Variants in CENATAC observed in about 807,000 individuals in gnomAD.
CENATAC encodes the protein centrosomal AT-AC splicing factor.
A neutral mutation model predicts 53.7 loss-of-function variants in CENATAC; 53 were observed. The ratio of observed to expected loss-of-function variants is 0.99; its 90% confidence interval spans 0.79 to 1.24. CENATAC has a LOEUF of 1.24. CENATAC is among the 50% of genes most tolerant of loss of function. CENATAC has a pLI of 0.00. For missense variants in CENATAC, 474 were observed against 417.8 expected, an observed-to-expected ratio of 1.13 and a Z score of -1.17; for synonymous variants, 156 against 144.6, an observed-to-expected ratio of 1.08 and a Z score of -0.57.
intron 3 of CENATAC, chr11:119,009,617 G>A (rs1413124983): frequency 1.3e-5 from 2 of 152,156 alleles, no homozygotes; most frequent in African/African-American, 4.8e-5. Flanking sequence ...TTCCACCCTC[G>A]TGTTCCAGGA....
chr11:119,014,210 A>G (rs1943023626), intron 8 of CENATAC: 1 of 152,412 alleles, frequency 6.6e-6, no homozygotes, highest in African/African-American at 2.4e-5. Context: ...ATGTCTATCA[A>G]CAGGCAAATG....
At chr11:119,000,061 G>A (rs1942215725) in intron 3 of CENATAC, among the ~76,000 whole-genome samples, 1 of 152,228 alleles carries the variant, frequency 6.6e-6, no homozygotes, top group African/African-American at 2.4e-5. Context: ...ATAGACGTGA[G>A]CCACCATGCC....
chr11:119,010,314 T>C, intron 3 of CENATAC: 1 of 157,164 alleles, frequency 6.4e-6, no homozygotes, highest in East Asian at 1.9e-4. Flanking sequence ...GGATTGGAGG[T>C]GAGAGTAGAG....
chr11:119,000,241 C>T (rs1254646199), intron 3 of CENATAC, among the ~76,000 whole-genome samples: 4 of 152,156 alleles, frequency 2.6e-5, no homozygotes, highest in East Asian at 1.9e-4. Context: ...CTTCACCTTC[C>T]TTTCGCTTTA....
At chr11:119,005,258 A>C (rs1000559872) in intron 3 of CENATAC, among the ~76,000 whole-genome samples, 4 of 152,076 alleles carry the variant, frequency 2.6e-5, no homozygotes, top group African/African-American at 7.2e-5. Context: ...CGAGGTCAGG[A>C]GATCGAGACC....
Position 119,001,782 on chromosome 11 carries a change from TGTG to T in CENATAC, c.383+2680_383+2682del, listed in dbSNP as rs61172396. 3,871 of 435,528 alleles carry T rather than the reference TGTG, an allele frequency of 8.9e-3. 143 individuals are homozygous for T. The highest frequency in any genetic ancestry group is 0.072 in the African/African-American group (3,549 of 49,414). 27.0% of individuals were successfully genotyped at this position (435,528 alleles called of 1,614,324 possible). A position where few individuals can be genotyped will look rare whatever the true frequency, so the allele number is the denominator to read the frequency against. On this transcript the variant is annotated intron_variant, in intron 3 of 10. Transcript: ENST00000334418. The stretch of plus-strand genomic sequence containing the variant: ...TCAAGAAACTAATGAAACTGCCAGA[TGTG>T]GTGGTGCACACCTGTAGTCCTAGCT...
intron 8 of CENATAC, 59 bp from the exon 9 acceptor site, chr11:119,014,935 T>C: frequency 8.6e-7 from 1 of 1,160,738 alleles, no homozygotes; most frequent in Non-Finnish European, 1.2e-6. Context: ...AGCTAGGACA[T>C]GTTTCACAAT....
rs1309697430 is a variant in CENATAC, at chr11:119,011,231, A to C, written c.461A>C (p.Gln154Pro). Residue 154 changes from glutamine to proline, a missense_variant, in exon 5 of 11, where the codon CAG becomes CCG. Physicochemically the swap from Gln to Pro is moderately conservative, Grantham distance 76. Coordinates refer to ENST00000334418, the MANE Select transcript of CENATAC (RefSeq NM_198489.3). ...EDKVIKEMAA[Q>P]IREVEQSRQE... is the part of the protein sequence containing the mutation. Reference sequence around the variant, plus strand: ...GCCTCTCTCCCACAGATGGCAGCTCAGATCCGTGAGGTGGAGCAGAGCCGA... The same window carrying C: ...GCCTCTCTCCCACAGATGGCAGCTCCGATCCGTGAGGTGGAGCAGAGCCGA... 1.9e-6 allele frequency: 3 copies of C among 1,614,004 alleles called. No homozygotes were observed. Among genetic ancestry groups the C allele is most frequent in the South Asian group, 1.1e-5 (1 of 91,072 alleles).
At chr11:119,014,944 A>C in intron 8 of CENATAC, 50 bp from the exon 9 acceptor site, 1 of 1,280,846 alleles carries the variant, frequency 7.8e-7, no homozygotes, top group Non-Finnish European at 1.1e-6. Context: ...ATGTTTCACA[A>C]TAGCCTGAAG....
At chr11:118,998,681 T>C (rs1041795715) in intron 2 of CENATAC, 88 bp downstream of exon 2, 5 of 1,449,554 alleles carry the variant, frequency 3.4e-6, no homozygotes, top group Non-Finnish European at 4.6e-6. Flanking sequence ...AGGACGCTTT[T>C]GTGATTTGAT....
At chr11:119,011,000 C>G (rs971432680) in intron 4 of CENATAC, among the ~76,000 whole-genome samples, 170 bp downstream of exon 4, 1 of 152,182 alleles carries the variant, frequency 6.6e-6, no homozygotes, top group Non-Finnish European at 1.5e-5. Context: ...AGATACCTTG[C>G]ATGCCCAGTT....
chr11:119,014,726 A>C, intron 8 of CENATAC: 1 of 280,016 alleles, frequency 3.6e-6, no homozygotes, highest in Non-Finnish European at 6.6e-6. Flanking sequence ...TTTGGGGTCT[A>C]GATTGTAATG....
intron 8 of CENATAC, among the ~76,000 whole-genome samples, chr11:119,013,674 G>A (rs1281854481): frequency 1.3e-5 from 2 of 151,832 alleles, no homozygotes; most frequent in African/African-American, 4.8e-5. Context: ...CGTTTTAGCC[G>A]GGATGGTCTC....
At chr11:119,003,134 G>T in intron 3 of CENATAC, 1 of 355,478 alleles carries the variant, frequency 2.8e-6, no homozygotes, top group Non-Finnish European at 5.3e-6. Context: ...GTGTCATAGA[G>T]CTTCTCTGGT....
At position 119,015,429 on chromosome 11, in the gene CENATAC, T is replaced by C; in HGVS notation, c.928T>C (p.Trp310Arg). 6.2e-7 allele frequency: 1 copy of C among 1,614,162 alleles called. No homozygotes were observed. The highest frequency in any genetic ancestry group is 8.5e-7 in the Non-Finnish European group (1 of 1,179,976). Residue 310 changes from tryptophan to arginine, a missense_variant, in exon 10 of 11, where the codon TGG becomes CGG. Transcript: ENST00000334418. ...CCGCGTCTGGAATAATGGACGCCGCTGGCAGTCCAGGTATGTGTGTTCAGT... is the reference window on the plus strand; with the variant it reads ...CCGCGTCTGGAATAATGGACGCCGCCGGCAGTCCAGGTATGTGTGTTCAGT... Reference protein sequence around the residue: ...FGRVWNNGRRWQSRHQFKTEA... With the variant: ...FGRVWNNGRRRQSRHQFKTEA...
intron 3 of CENATAC, among the ~76,000 whole-genome samples, chr11:119,002,189 A>G (rs1035157202): frequency 7.1e-6 from 1 of 141,404 alleles, no homozygotes; most frequent in Non-Finnish European, 1.5e-5. Context: ...ATGCCATTGC[A>G]CTGCAGCCTG....
intron 3 of CENATAC, chr11:119,006,041 C>G (rs1942574576): frequency 7.3e-6 from 1 of 137,232 alleles, no homozygotes; most frequent in African/African-American, 2.8e-5. Context: ...AGGGCTCAAG[C>G]AATCCTCCTG....
rs1565668956 is a variant in CENATAC, at chr11:119,012,171, C to T, written c.601C>T (p.Gln201Ter). ...MNSQVASSLQ[Q>*]PSNLDLPPAP... The stretch of plus-strand genomic sequence containing the variant: ...CAGCCAAGTAGCTTCCAGCTTACAG[C>T]AGCCCTCAAATTTGGACCTGCCACC... The change falls in exon 7 of 11, where the codon CAG becomes TAG. Residue 201 changes from glutamine (Q) to a stop codon, truncating the protein, a stop_gained. Coordinates refer to ENST00000334418, the MANE Select transcript of CENATAC (RefSeq NM_198489.3). LOFTEE classifies it high-confidence loss of function. 3 of 1,614,182 alleles carry T rather than the reference C, an allele frequency of 1.9e-6. No individual in the cohort carries two copies. The highest frequency in any genetic ancestry group is 2.5e-6 in the Non-Finnish European group (3 of 1,180,020).
intron 3 of CENATAC, among the ~76,000 whole-genome samples, chr11:119,002,687 T>C (rs1041673203): frequency 8.6e-5 from 13 of 151,908 alleles, no homozygotes; most frequent in African/African-American, 3.1e-4. Context: ...GTTGGTTTTT[T>C]TTTTTTTTTC....
Sources: gnomAD v4.1 joint callset for allele counts (sites outside exome capture counted in the v4.1 genomes callset) on GRCh38, gnomAD v4.1.1 for gene constraint, MANE v1.5 for transcripts, NCBI Gene and HGNC (gene_info 2026-07-23, HGNC 2026-07-21) for gene names.